Variants in OAT observed in about 807,000 individuals in gnomAD.
OAT encodes ornithine aminotransferase.
A neutral mutation model predicts 48.4 loss-of-function variants in OAT; 35 were observed. That is an observed-to-expected ratio of 0.72 (90% CI 0.55 to 0.96). The LOEUF is 0.96. Ranked by LOEUF, OAT falls within the 40% of genes least tolerant of loss-of-function variation. OAT has a pLI of 0.00. For synonymous variants in OAT, 182 were observed against 198.4 expected (o/e 0.92, Z 0.70); for missense variants, 438 against 537.9 (o/e 0.81, Z 1.84).
chr10:124,407,548 C>T, intron 4 of OAT: 1 of 603,990 alleles, frequency 1.7e-6, no homozygotes, highest in South Asian at 7.4e-5. Flanking sequence ...TTGGGAATAC[C>T]AATCTGTCCC....
intron 9 of OAT, among the ~76,000 whole-genome samples, chr10:124,399,359 T>TC (rs1385151684): frequency 6.9e-6 from 1 of 145,622 alleles, no homozygotes; most frequent in African/African-American, 2.6e-5. Context: ...TTTTTTTTTT[T>TC]TTTTGAGACG....
At chr10:124,404,732 C>G (rs1375142576) in intron 5 of OAT, among the ~76,000 whole-genome samples, 1 of 152,180 alleles carries the variant, frequency 6.6e-6, no homozygotes, top group African/African-American at 2.4e-5. Context: ...AGCCTGTTTT[C>G]TAATACACAA....
chr10:124,405,855 C>A lies in OAT; in HGVS notation c.521-292G>T, dbSNP rs190995424. On this transcript the variant is annotated intron_variant, in intron 4 of 9. Transcript: ENST00000368845. The stretch of plus-strand genomic sequence containing the variant: ...GAAGATAGATAACTTACTTTTCTTT[C>A]AATAATCCCCAACCCAAAACCAAGC... 10 of 1,211,542 alleles carry A rather than the reference C, an allele frequency of 8.3e-6. No individual in the cohort carries two copies. The African/African-American group carries it at 1.6e-4, about 19-fold the overall frequency. 75.0% of individuals were successfully genotyped at this position (1,211,542 alleles called of 1,614,324 possible).
chr10:124,405,190 C>T (rs529857672), intron 5 of OAT, among the ~76,000 whole-genome samples: 5 of 152,028 alleles, frequency 3.3e-5, no homozygotes, highest in East Asian at 3.9e-4. Flanking sequence ...GCAGGTATAC[C>T]GAAGTTAACT....
At chr10:124,413,508 AC>A (rs1951823023) in intron 1 of OAT, among the ~76,000 whole-genome samples, 1 of 151,904 alleles carries the variant, frequency 6.6e-6, no homozygotes, top group Non-Finnish European at 1.5e-5. Context: ...ACATGGAGAA[AC>A]CCCGTCTCTA....
At chr10:124,417,672 A>C (rs752109103) in intron 1 of OAT, among the ~76,000 whole-genome samples, 1 of 152,196 alleles carries the variant, frequency 6.6e-6, no homozygotes, top group Non-Finnish European at 1.5e-5. Context: ...AAAGGAGTCT[A>C]TTGTTATTTC....
At position 124,408,589 on chromosome 10, in the gene OAT, T is replaced by G; in HGVS notation, c.473A>C (p.Tyr158Ser). ...GTATTTCTGAATGCCCTTCACGGTA[T>G]AGCCCCACTTACGAGCTAGTTTACA... ...TACKLARKWGYTVKGIQKYKA... is the reference protein window; with the variant it reads ...TACKLARKWGSTVKGIQKYKA... Residue 158 changes from tyrosine to serine, a missense_variant, in exon 4 of 10, where the codon TAT becomes TCT. Transcript: ENST00000368845. The G allele has an allele frequency of 6.2e-7, 1 of 1,612,810 alleles. No individual in the cohort carries two copies. The highest frequency in any genetic ancestry group is 1.7e-5 in the Admixed American group (1 of 59,972).
chr10:124,406,055 T>C, intron 4 of OAT: 1 of 1,030,734 alleles, frequency 9.7e-7, no homozygotes, highest in Non-Finnish European at 1.2e-6. Context: ...CCTCAAGCAA[T>C]CCAAACACGT....
At position 124,406,642 on chromosome 10, in the gene OAT, C is replaced by G. The variant is rs1050408867; in HGVS notation, c.521-1079G>C. ...ACCAGCCTGGTTAACATGGCAAAAC[C>G]CTGTCTCTACTAAAAATACAAAAAT... On this transcript the variant is annotated intron_variant, in intron 4 of 9. Coordinates refer to ENST00000368845, the MANE Select transcript of OAT (RefSeq NM_000274.4). Among the ~76,000 whole-genome samples, 5 of 151,738 alleles carry G rather than the reference C, an allele frequency of 3.3e-5. No homozygotes were observed. The East Asian group carries it at 9.7e-4, about 29-fold the overall frequency.
chr10:124,406,551 C>T (rs969653011), intron 4 of OAT, among the ~76,000 whole-genome samples: 1 of 151,622 alleles, frequency 6.6e-6, no homozygotes, highest in African/African-American at 2.4e-5. Flanking sequence ...TGCAGTGGCT[C>T]ACGCCTGCAA....
chr10:124,411,849 A>C, intron 2 of OAT, 124 bp downstream of exon 2: 1 of 817,996 alleles, frequency 1.2e-6, no homozygotes, highest in Non-Finnish European at 2.0e-6. Context: ...AAGAAGAATT[A>C]ACCATGTCTG....
chr10:124,404,966 C>T (rs1434287421), intron 5 of OAT, among the ~76,000 whole-genome samples: 1 of 152,194 alleles, frequency 6.6e-6, no homozygotes, highest in Non-Finnish European at 1.5e-5. Context: ...ATCACTTGAA[C>T]CCAGGAAGCG....
In OAT at chr10:124,397,985, C is replaced by G; in HGVS notation, c.1277G>C (p.Arg426Pro). The G allele has an allele frequency of 1.2e-6, 2 of 1,613,910 alleles. No homozygotes were observed. Among genetic ancestry groups the G allele is most frequent in the Non-Finnish European group, 1.7e-6 (2 of 1,179,872 alleles). The change falls in exon 10 of 10, where the codon CGA (arginine) becomes CCA (proline). Residue 426 changes from arginine to proline, a missense_variant. By Grantham distance (103) the Arg-to-Pro change is moderately radical (BLOSUM62 -2). Transcript: ENST00000368845. ...CTTGTTAATAATTTCAATGGACTCT[C>G]GAAGCTCATCCTCCTTGATCACCAG... is the stretch of plus-strand genomic sequence containing the variant. The part of the protein sequence containing the change: ...PPLVIKEDEL[R>P]ESIEIINKTI...
intron 6 of OAT, 78 bp from the exon 7 acceptor site, chr10:124,403,133 C>T: frequency 2.0e-6 from 3 of 1,469,736 alleles, no homozygotes; most frequent in Non-Finnish European, 2.9e-6. Context: ...ATTTCACTGT[C>T]CCCCCACCAA....
rs386833621 is a variant in OAT, at chr10:124,401,788, C to T, written c.952G>A (p.Glu318Lys). The change falls in exon 8 of 10, where the codon GAG becomes AAG. Residue 318 changes from glutamate (E) to lysine (K), a missense_variant. Coordinates refer to ENST00000368845, the MANE Select transcript of OAT (RefSeq NM_000274.4). ...TTGCCACCGTATGTGGACCCATGCT[C>T]CCCTGGCTTAATGGTCAGCATGATG... Reference protein sequence around the residue: ...DDIMLTIKPGEHGSTYGGNPL... With the variant: ...DDIMLTIKPGKHGSTYGGNPL... 1.9e-5 allele frequency: 30 copies of T among 1,613,142 alleles called. No individual in the cohort carries two copies. The highest frequency in any genetic ancestry group is 2.5e-5 in the Non-Finnish European group (29 of 1,179,818).
At position 124,408,883 on chromosome 10, in the gene OAT, G is replaced by A; in HGVS notation, c.282C>T (p.His94=). Residue 94 remains histidine (H), a synonymous_variant, in exon 3 of 10, where the codon CAC becomes CAT. Transcript: ENST00000368845. ...TCTTCAGAGCATTCACAATCTTGGG[G>A]TGACAATGCCCTTGGTTGACAGCAC... The part of the protein sequence containing the change: ...SYSAVNQGHC[H]PKIVNALKSQ... The A allele has an allele frequency of 6.2e-7, 1 of 1,613,714 alleles. No individual in the cohort carries two copies. The highest frequency in any genetic ancestry group is 8.5e-7 in the Non-Finnish European group (1 of 1,179,984).
intron 9 of OAT, 95 bp downstream of exon 9, chr10:124,400,745 G>T (rs556259244): frequency 1.8e-5 from 19 of 1,042,726 alleles, no homozygotes; most frequent in Admixed American, 2.4e-5. Context: ...GCAAGACTCC[G>T]TCTCGAAAAA....
intron 2 of OAT, among the ~76,000 whole-genome samples, chr10:124,409,973 A>C (rs1951702407): frequency 6.6e-6 from 1 of 152,222 alleles, no homozygotes. Flanking sequence ...AAGTAAAAAC[A>C]AGGTTGCCAT....
intron 7 of OAT, among the ~76,000 whole-genome samples, chr10:124,402,333 T>C (rs978910951): frequency 1.3e-5 from 2 of 152,198 alleles, no homozygotes; most frequent in Admixed American, 6.5e-5. Context: ...CACAAAACAA[T>C]ATAATTTTGC....
Sources: allele counts gnomAD v4.1 joint callset (sites outside exome capture counted in the v4.1 genomes callset), GRCh38; gene constraint gnomAD v4.1.1; transcripts MANE v1.5; gene names NCBI Gene and HGNC (gene_info 2026-07-23, HGNC 2026-07-21).